ARPP21: variants seen among roughly 807,000 people sequenced by gnomAD.
ARPP21 encodes the protein cAMP regulated phosphoprotein 21.
ARPP21 carries 69 observed loss-of-function variants against 113.2 expected under a neutral mutation model. That is an observed-to-expected ratio of 0.61 (90% CI 0.50 to 0.74). ARPP21 has a LOEUF of 0.74. Ranked by LOEUF, ARPP21 falls within the 30% of genes least tolerant of loss-of-function variation. The pLI, the probability that ARPP21 is intolerant of heterozygous loss-of-function variation, is 0.00. For synonymous variants in ARPP21, 368 were observed against 375.5 expected (o/e 0.98, Z 0.23); for missense variants, 1,070 against 1,037.4 (o/e 1.03, Z -0.43).
chr3:35,670,127 C>A (rs940199081), intron 1 of ARPP21, among the ~76,000 whole-genome samples: 1 of 152,086 alleles, frequency 6.6e-6, no homozygotes, highest in Non-Finnish European at 1.5e-5. Context: ...AGAGATTATA[C>A]CAGCATTTAT....
intron 19 of ARPP21, among the ~76,000 whole-genome samples, chr3:35,753,816 T>C (rs1173964484): frequency 6.6e-6 from 1 of 152,006 alleles, no homozygotes; most frequent in Non-Finnish European, 1.5e-5. Context: ...GCCTCTTTAA[T>C]GTTGTTCTGA....
intron 19 of ARPP21, among the ~76,000 whole-genome samples, chr3:35,786,486 C>T (rs1280062399): frequency 2.0e-5 from 3 of 151,152 alleles, no homozygotes; most frequent in Non-Finnish European, 4.4e-5. Flanking sequence ...TGAGATTGCA[C>T]CACTGCACTC....
chr3:35,777,061 C>T (rs887680674), intron 19 of ARPP21, among the ~76,000 whole-genome samples: 7 of 152,132 alleles, frequency 4.6e-5, no homozygotes, highest in East Asian at 1.9e-4. Flanking sequence ...GGCTGTACCT[C>T]GGCTCTTGTG....
At chr3:35,739,712 G>A in intron 18 of ARPP21, 135 bp downstream of exon 18, 2 of 1,222,616 alleles carry the variant, frequency 1.6e-6, no homozygotes, top group Non-Finnish European at 2.2e-6. Flanking sequence ...TCACCAACAG[G>A]AAGTAGTATA....
At chr3:35,707,675 G>T (rs936412500) in intron 10 of ARPP21, 7 of 396,268 alleles carry the variant, frequency 1.8e-5, no homozygotes, top group Non-Finnish European at 3.1e-5. Context: ...TGTTTTGCAT[G>T]AAGTGTAGCA....
chr3:35,679,988 C>T (rs1286595613), intron 2 of ARPP21, 28 bp downstream of exon 2: 1 of 152,304 alleles, frequency 6.6e-6, no homozygotes, highest in Admixed American at 6.6e-5. Flanking sequence ...TGGCTGTCAT[C>T]TCATCTGCAT....
intron 19 of ARPP21, among the ~76,000 whole-genome samples, chr3:35,758,107 T>C (rs2095637160): frequency 6.6e-6 from 1 of 152,114 alleles, no homozygotes. Context: ...AATCACAACA[T>C]TCCTGACCTT....
chr3:35,738,707 G>A (rs933382055), intron 17 of ARPP21, among the ~76,000 whole-genome samples: 7 of 152,286 alleles, frequency 4.6e-5, no homozygotes, highest in East Asian at 1.9e-4. Flanking sequence ...AGGTGCCCCC[G>A]CAATTCCAAT....
chr3:35,702,048 C>G (rs2086614933), intron 9 of ARPP21, among the ~76,000 whole-genome samples: 1 of 151,590 alleles, frequency 6.6e-6, no homozygotes, highest in South Asian at 2.1e-4. Flanking sequence ...TAATAATTTG[C>G]ATTATTTTGT....
chr3:35,689,090 C>G (rs1169299767), intron 6 of ARPP21, among the ~76,000 whole-genome samples: 1 of 151,466 alleles, frequency 6.6e-6, no homozygotes, highest in Admixed American at 6.6e-5. Context: ...TTGGATCTTT[C>G]CATATTCAGG....
At chr3:35,764,110 A>G (rs923797091) in intron 19 of ARPP21, among the ~76,000 whole-genome samples, 4 of 152,186 alleles carry the variant, frequency 2.6e-5, no homozygotes, top group Admixed American at 2.6e-4. Context: ...AACCTGTTTT[A>G]TGAAATGAAA....
At chr3:35,767,603 T>C (rs2096028105) in intron 19 of ARPP21, among the ~76,000 whole-genome samples, 1 of 152,186 alleles carries the variant, frequency 6.6e-6, no homozygotes, top group African/African-American at 2.4e-5. Flanking sequence ...CAAAGCCAAG[T>C]GTTTTCCTAT....
intron 19 of ARPP21, among the ~76,000 whole-genome samples, chr3:35,790,449 T>C (rs1400008088): frequency 6.6e-6 from 1 of 152,180 alleles, no homozygotes; most frequent in Non-Finnish European, 1.5e-5. Context: ...TTCAGGGCAA[T>C]TGGATGTATG....
chr3:35,674,610 G>A (rs931912759), intron 1 of ARPP21, among the ~76,000 whole-genome samples: 1 of 151,828 alleles, frequency 6.6e-6, no homozygotes, highest in Non-Finnish European at 1.5e-5. Context: ...TGGAAAGATG[G>A]GCACTATGAG....
At chr3:35,645,949 C>T (rs945418811) in intron 1 of ARPP21, among the ~76,000 whole-genome samples, 3 of 151,910 alleles carry the variant, frequency 2.0e-5, no homozygotes, top group Admixed American at 2.0e-4. Context: ...ATTTCAACAT[C>T]TTTAAAGAAC....
intron 1 of ARPP21, among the ~76,000 whole-genome samples, chr3:35,676,998 G>A (rs1253316700): frequency 2.6e-5 from 4 of 151,842 alleles, no homozygotes; most frequent in African/African-American, 9.7e-5. Flanking sequence ...AGAAGAAGCA[G>A]TGCATATAAG....
At position 35,793,919 on chromosome 3, in the gene ARPP21, T is replaced by C. The variant is rs1684065881; in HGVS notation, c.2505T>C (p.Cys835=). The change falls in exon 21 of 21, where the codon TGT becomes TGC. Residue 835 remains cysteine (C), a synonymous_variant. Transcript: ENST00000684406. Reference sequence around the variant, plus strand: ...TGTCAGCTAGCTGCAGAACAAACTGTGCAAGTATGAGCAATGCTGGTTGGC... The same window carrying C: ...TGTCAGCTAGCTGCAGAACAAACTGCGCAAGTATGAGCAATGCTGGTTGGC... ...PVMSASCRTN[C]ASMSNAGWQV... 4 of 1,614,056 alleles carry C rather than the reference T, an allele frequency of 2.5e-6. No homozygotes were observed. Among genetic ancestry groups the C allele is most frequent in the Non-Finnish European group, 3.4e-6 (4 of 1,179,946 alleles).
At chr3:35,721,154 G>C (rs1471129093) in intron 13 of ARPP21, among the ~76,000 whole-genome samples, 1 of 152,258 alleles carries the variant, frequency 6.6e-6, no homozygotes, top group Non-Finnish European at 1.5e-5. Flanking sequence ...TTTTTCCATT[G>C]ACAATTATTT....
chr3:35,779,717 C>T (rs1049731904), intron 19 of ARPP21, among the ~76,000 whole-genome samples: 1 of 152,252 alleles, frequency 6.6e-6, no homozygotes, highest in Non-Finnish European at 1.5e-5. Flanking sequence ...CATAAAGGAG[C>T]AAACTCACAT....
Sources: gnomAD v4.1 joint callset for allele counts (sites outside exome capture counted in the v4.1 genomes callset) on GRCh38, gnomAD v4.1.1 for gene constraint, MANE v1.5 for transcripts, NCBI Gene and HGNC (gene_info 2026-07-23, HGNC 2026-07-21) for gene names.